DCC: variants seen among roughly 807,000 people sequenced by gnomAD.
DCC encodes the protein DCC netrin 1 receptor.
Under a neutral mutation model 172.5 loss-of-function variants are expected in DCC, and 58 were observed. The ratio of observed to expected loss-of-function variants is 0.34; its 90% CI spans 0.27 to 0.42. DCC has a LOEUF of 0.42. Among genes scored for constraint, DCC ranks in the 10% least tolerant of loss-of-function variants. The pLI is 1.00. For missense variants in DCC, 1,740 were observed against 1,791.0 expected (o/e 0.97, Z 0.51); for synonymous variants, 709 against 644.5 (o/e 1.10, Z -1.52).
intron 5 of DCC, among the ~76,000 whole-genome samples, chr18:52,937,086 C>T (rs966315727): frequency 6.6e-6 from 1 of 152,100 alleles, no homozygotes; most frequent in Admixed American, 6.6e-5. Context: ...ATTTGAGGAA[C>T]TACCAGATGG....
chr18:52,503,193 A>T (rs910881117), intron 1 of DCC, among the ~76,000 whole-genome samples: 1 of 152,176 alleles, frequency 6.6e-6, no homozygotes, highest in African/African-American at 2.4e-5. Context: ...TCCATTCATA[A>T]GACAATGAGG....
chr18:52,577,836 G>T (rs2033451954), intron 1 of DCC, among the ~76,000 whole-genome samples: 1 of 152,198 alleles, frequency 6.6e-6, no homozygotes, highest in Non-Finnish European at 1.5e-5. Flanking sequence ...GGCTAGGAAA[G>T]GGAACCTTCA....
intron 7 of DCC, among the ~76,000 whole-genome samples, chr18:53,103,845 T>G (rs1014187535): frequency 6.6e-6 from 1 of 152,028 alleles, no homozygotes; most frequent in African/African-American, 2.4e-5. Flanking sequence ...GTGTCCTTAT[T>G]CATTATTTGC....
At chr18:52,356,219 G>A (rs4122904) in intron 1 of DCC, among the ~76,000 whole-genome samples, 49,355 of 152,092 alleles carry the variant, frequency 0.32, 8,585 homozygotes, top group East Asian at 0.51. Context: ...CAGAAGCTCA[G>A]GGAAGGACAG....
At chr18:52,939,440 G>A (rs1326137712) in intron 5 of DCC, among the ~76,000 whole-genome samples, 1 of 152,032 alleles carries the variant, frequency 6.6e-6, no homozygotes, top group East Asian at 1.9e-4. Flanking sequence ...TGTCTCCCCA[G>A]TGAAATATAA....
chr18:53,408,658 T>C (rs1362627854), intron 19 of DCC, among the ~76,000 whole-genome samples: 1 of 152,208 alleles, frequency 6.6e-6, no homozygotes, highest in Non-Finnish European at 1.5e-5. Context: ...ATGAGGATAA[T>C]TGGTGGCCAT....
intron 13 of DCC, among the ~76,000 whole-genome samples, chr18:53,307,931 A>ATATATATATATATG (rs2057222084): frequency 8.3e-6 from 1 of 120,868 alleles, no homozygotes; most frequent in Non-Finnish European, 1.7e-5. Flanking sequence ...ATATATATAT[A>ATATATATATATATG]TATATATATA....
chr18:52,809,280 T>C (rs17470011), intron 2 of DCC: 19,878 of 153,516 alleles, frequency 0.13, 1,533 homozygotes, highest in Middle Eastern at 0.25. Context: ...AGAGATACCA[T>C]GTATTTTGTT....
chr18:53,521,290 A>G (rs1181278334), intron 27 of DCC, among the ~76,000 whole-genome samples: 1 of 152,156 alleles, frequency 6.6e-6, no homozygotes, highest in Non-Finnish European at 1.5e-5. Flanking sequence ...ATCAATTATT[A>G]TAATGAACTT....
chr18:52,684,149 A>G (rs921004304), intron 1 of DCC, among the ~76,000 whole-genome samples: 3 of 152,090 alleles, frequency 2.0e-5, no homozygotes, highest in Non-Finnish European at 4.4e-5. Flanking sequence ...ATTTATTAAA[A>G]TATACATTTT....
intron 1 of DCC, among the ~76,000 whole-genome samples, chr18:52,435,146 A>G (rs752563606): frequency 1.3e-5 from 2 of 152,036 alleles, no homozygotes; most frequent in South Asian, 2.1e-4. Context: ...TGCCTTTTCA[A>G]TCCCCTCTCT....
intron 5 of DCC, among the ~76,000 whole-genome samples, chr18:53,027,833 T>C (rs1298638540): frequency 6.6e-6 from 1 of 152,106 alleles, no homozygotes; most frequent in Admixed American, 6.6e-5. Flanking sequence ...TTATTTTTTT[T>C]TTCTGTTCTA....
chr18:53,007,071 A>T (rs2041657657), intron 5 of DCC, among the ~76,000 whole-genome samples: 1 of 152,226 alleles, frequency 6.6e-6, no homozygotes, highest in Admixed American at 6.5e-5. Flanking sequence ...ATGAACAAAC[A>T]AAAAGCAGAA....
chr18:53,079,844 A>G (rs2042773227), intron 7 of DCC, among the ~76,000 whole-genome samples: 1 of 152,166 alleles, frequency 6.6e-6, no homozygotes, highest in Non-Finnish European at 1.5e-5. Flanking sequence ...ATAGAGCAGA[A>G]GCAAAAGTAT....
At chr18:53,184,522 G>T (rs532014662) in intron 9 of DCC, among the ~76,000 whole-genome samples, 1 of 152,040 alleles carries the variant, frequency 6.6e-6, no homozygotes, top group Non-Finnish European at 1.5e-5. Flanking sequence ...AGGCTATATG[G>T]TATAGCCTAT....
At chr18:52,395,095 G>A (rs1986171666) in intron 1 of DCC, among the ~76,000 whole-genome samples, 1 of 152,044 alleles carries the variant, frequency 6.6e-6, no homozygotes, top group South Asian at 2.1e-4. Flanking sequence ...AAGTTAAATA[G>A]ACAACAATCC....
intron 19 of DCC, among the ~76,000 whole-genome samples, chr18:53,407,248 G>A (rs763266113): frequency 1.1e-4 from 16 of 151,864 alleles, no homozygotes; most frequent in Non-Finnish European, 1.9e-4. Context: ...AATTTTTAAC[G>A]ATTTCATTAA....
At chr18:53,396,151 A>G (rs1361274493) in intron 17 of DCC, among the ~76,000 whole-genome samples, 1 of 152,160 alleles carries the variant, frequency 6.6e-6, no homozygotes, top group East Asian at 1.9e-4. Context: ...TAAGGGTAAG[A>G]TACGTATGAT....
chr18:53,275,215 G>C (rs557023497), intron 12 of DCC, among the ~76,000 whole-genome samples: 6 of 152,082 alleles, frequency 3.9e-5, no homozygotes, highest in Non-Finnish European at 5.9e-5. Context: ...AACTATTAGA[G>C]AACAACATAT....
Sources: allele counts gnomAD v4.1 joint callset (sites outside exome capture counted in the v4.1 genomes callset), GRCh38; gene constraint gnomAD v4.1.1; transcripts MANE v1.5; gene names NCBI Gene and HGNC (gene_info 2026-07-23, HGNC 2026-07-21).